The following KRCC1 variants were observed in gnomAD, a reference collection of about 807,000 sequenced individuals.
The protein encoded by KRCC1 is lysine-rich coiled-coil protein 1.
In KRCC1, 3 loss-of-function variants were observed where a neutral mutation model predicts 7.4. That is an observed-to-expected ratio of 0.40 (90% confidence interval 0.18 to 1.04). The LOEUF (loss-of-function observed/expected upper bound fraction) is 1.04. Ranked by LOEUF, KRCC1 falls within the 50% of genes least tolerant of loss-of-function variation. KRCC1 has a pLI of 0.33. For synonymous variants in KRCC1, 102 were observed against 101.6 expected, an observed-to-expected ratio of 1.00 and a Z score of -0.02; for missense variants, 277 against 300.9, an observed-to-expected ratio of 0.92 and a Z score of 0.59.
intron 1 of KRCC1, among the ~76,000 whole-genome samples, chr2:88,045,594 A>G (rs572716843): frequency 2.0e-5 from 3 of 149,490 alleles, no homozygotes; most frequent in Non-Finnish European, 2.9e-5. Context: ...GTAAAGGGGC[A>G]TAAGTACTTT....
intron 1 of KRCC1, among the ~76,000 whole-genome samples, chr2:88,052,848 T>G (rs1558838437): frequency 6.6e-6 from 1 of 152,224 alleles, no homozygotes; most frequent in African/African-American, 2.4e-5. Flanking sequence ...TACAAAGTGT[T>G]GTCATGTTTT....
At chr2:88,035,380 G>A (rs1356489822) in intron 2 of KRCC1, among the ~76,000 whole-genome samples, 1 of 152,174 alleles carries the variant, frequency 6.6e-6, no homozygotes, top group Non-Finnish European at 1.5e-5. Context: ...CTGAAGTGTT[G>A]TGTAGGATTC....
chr2:88,047,528 A>G (rs886681034), intron 1 of KRCC1, among the ~76,000 whole-genome samples: 32 of 152,182 alleles, frequency 2.1e-4, no homozygotes, highest in African/African-American at 6.3e-4. Context: ...TCATAACAGC[A>G]TAATAGGTTT....
chr2:88,046,444 A>AT (rs1210097894), intron 1 of KRCC1, among the ~76,000 whole-genome samples: 1 of 152,232 alleles, frequency 6.6e-6, no homozygotes, highest in Non-Finnish European at 1.5e-5. Context: ...GTGGTTCAGG[A>AT]TTTTGTCTAT....
chr2:88,054,634 T>A (rs150906643), intron 1 of KRCC1, among the ~76,000 whole-genome samples: 15 of 152,290 alleles, frequency 9.8e-5, no homozygotes, highest in Non-Finnish European at 1.5e-4. Context: ...TCCCTGACTC[T>A]ACTTGAGCCC....
At position 88,028,106 on chromosome 2, in the gene KRCC1, T is replaced by G; in HGVS notation, c.458A>C (p.His153Pro). ...TTTCCTCTTCTGATGTATCTGTTTG[T>G]GACTGGCTTGATGAGTACTGGTACT... is the stretch of plus-strand genomic sequence containing the variant. ...DNSTSTHQAS[H>P]KQIHQKRKRH... is the part of the protein sequence containing the mutation. The change falls in exon 4 of 4, where the codon CAC becomes CCC. Residue 153 changes from histidine (H) to proline (P), a missense_variant. Transcript: ENST00000347055. 6.2e-7 allele frequency: 1 copy of G among 1,614,214 alleles called. No individual in the cohort carries two copies. Among genetic ancestry groups the G allele is most frequent in the Non-Finnish European group, 8.5e-7 (1 of 1,180,044 alleles).
At chr2:88,055,463 G>A (rs1573091233) in intron 1 of KRCC1, among the ~76,000 whole-genome samples, 163 bp downstream of exon 1, 1 of 151,932 alleles carries the variant, frequency 6.6e-6, no homozygotes, top group East Asian at 1.9e-4. Context: ...CTTTCCGGGG[G>A]CGGCGGCCGG....
intron 1 of KRCC1, among the ~76,000 whole-genome samples, chr2:88,055,401 C>G (rs1673597508): frequency 6.6e-6 from 1 of 152,068 alleles, no homozygotes; most frequent in Non-Finnish European, 1.5e-5. Context: ...CGGCTTCCTC[C>G]GCAAGCCGAG....
chr2:88,039,260 T>C (rs1318688311), intron 1 of KRCC1, among the ~76,000 whole-genome samples: 1 of 152,244 alleles, frequency 6.6e-6, no homozygotes, highest in Non-Finnish European at 1.5e-5. Context: ...AATATTTAAG[T>C]TATACTGGGT....
intron 3 of KRCC1, among the ~76,000 whole-genome samples, chr2:88,030,210 T>C (rs978243734): frequency 1.0e-4 from 15 of 148,564 alleles, no homozygotes; most frequent in Admixed American, 1.0e-3. Flanking sequence ...ATATCCCATG[T>C]AGAACTGAAC....
intron 1 of KRCC1, among the ~76,000 whole-genome samples, chr2:88,043,966 C>T (rs967216876): frequency 1.3e-5 from 2 of 152,148 alleles, no homozygotes. Flanking sequence ...TGAGCCACTG[C>T]GCCCGGCCTC....
chr2:88,039,040 C>A (rs781292718), intron 1 of KRCC1, among the ~76,000 whole-genome samples: 1 of 151,900 alleles, frequency 6.6e-6, no homozygotes, highest in Non-Finnish European at 1.5e-5. Context: ...AAACCTGATG[C>A]GTTTGATTTG....
At chr2:88,050,058 T>A (rs1262996897) in intron 1 of KRCC1, among the ~76,000 whole-genome samples, 2 of 152,214 alleles carry the variant, frequency 1.3e-5, no homozygotes, top group African/African-American at 4.8e-5. Context: ...TTGAGCTCTT[T>A]AAAAGGGCTG....
intron 2 of KRCC1, among the ~76,000 whole-genome samples, chr2:88,035,762 T>G (rs1673079181): frequency 6.6e-6 from 1 of 152,208 alleles, no homozygotes; most frequent in Non-Finnish European, 1.5e-5. Flanking sequence ...TATAATCCCA[T>G]GAAAGTTATT....
chr2:88,038,948 G>A (rs1047505669), intron 1 of KRCC1, among the ~76,000 whole-genome samples: 6 of 152,210 alleles, frequency 3.9e-5, no homozygotes, highest in African/African-American at 1.4e-4. Context: ...CATATTACAT[G>A]GTCTGAGGAG....
chr2:88,031,783 T>C (rs1433919646), intron 3 of KRCC1, among the ~76,000 whole-genome samples: 1 of 152,052 alleles, frequency 6.6e-6, no homozygotes, highest in Non-Finnish European at 1.5e-5. Context: ...TTTAAAAGTT[T>C]ATAAAGTGAA....
chr2:88,030,214 A>T (rs2104603242), intron 3 of KRCC1, among the ~76,000 whole-genome samples: 1 of 148,336 alleles, frequency 6.7e-6, no homozygotes, highest in Non-Finnish European at 1.5e-5. Flanking sequence ...CCCATGTAGA[A>T]CTGAACATTT....
chr2:88,053,468 G>C (rs1673542696), intron 1 of KRCC1, among the ~76,000 whole-genome samples: 1 of 152,224 alleles, frequency 6.6e-6, no homozygotes. Flanking sequence ...GTCTGGCCAT[G>C]TGAGCCAAAC....
chr2:88,054,826 G>A (rs1042194238), intron 1 of KRCC1, among the ~76,000 whole-genome samples: 1 of 152,178 alleles, frequency 6.6e-6, no homozygotes, highest in Admixed American at 6.5e-5. Flanking sequence ...AAACTCAGCT[G>A]GGCGCGGTAG....
Sources: gnomAD v4.1 joint callset for allele counts (sites outside exome capture counted in the v4.1 genomes callset) on GRCh38, gnomAD v4.1.1 for gene constraint, MANE v1.5 for transcripts, NCBI Gene and HGNC (gene_info 2026-07-23, HGNC 2026-07-21) for gene names.